NEMP2: variants seen among roughly 807,000 people sequenced by gnomAD.
The protein encoded by NEMP2 is UPF0571 transmembrane protein.
In NEMP2, 53 loss-of-function variants were observed where a neutral mutation model predicts 54.2. The observed-to-expected ratio is 0.98, with a 90% CI of 0.78 to 1.23. The LOEUF (loss-of-function observed/expected upper bound fraction) is 1.23, where lower values mean the gene tolerates loss of function less well. Ranked by LOEUF, NEMP2 falls within the 50% of genes most tolerant of loss-of-function variation. NEMP2 has a pLI of 0.00. For missense variants in NEMP2, 455 were observed against 511.3 expected (o/e 0.89, Z 1.06); for synonymous variants, 197 against 190.3 (o/e 1.04, Z -0.29).
At chr2:190,469,824 C>T in the NEMP2 span, 2 of 1,608,862 alleles carry the variant, frequency 1.2e-6, no homozygotes, top group Admixed American at 1.7e-5. The surrounding 1 kb of genome is among the most constrained non-coding windows in gnomAD (Gnocchi z 5.3). Flanking sequence ...TGGAGAATGC[C>T]TGGACTGTTC....
the NEMP2 span, among the ~76,000 whole-genome samples, chr2:190,486,205 GA>G: frequency 6.6e-6 from 1 of 152,164 alleles, no homozygotes; most frequent in Non-Finnish European, 1.5e-5. Context: ...CCAATCCTAG[GA>G]ATCATGAGTT....
chr2:190,425,708 C>T, the NEMP2 span, among the ~76,000 whole-genome samples: 5 of 152,118 alleles, frequency 3.3e-5, no homozygotes, highest in African/African-American at 1.2e-4. The surrounding 1 kb of genome is among the most constrained non-coding windows in gnomAD (Gnocchi z 4.3). Flanking sequence ...CACACTTTGT[C>T]ATGTTGTATA....
chr2:190,648,275 C>CCCT, the NEMP2 span: 1 of 152,264 alleles, frequency 6.6e-6, no homozygotes, highest in African/African-American at 2.4e-5. Flanking sequence ...TTCCATTCCT[C>CCCT]CCTCCTCCTC....
chr2:190,642,032 T>C, the NEMP2 span, among the ~76,000 whole-genome samples: 435 of 152,350 alleles, frequency 2.9e-3, 2 homozygotes, highest in African/African-American at 0.01. This position sits in a 1 kb window ranked among gnomAD's most constrained non-coding sequence, Gnocchi z 4.1. Context: ...CTAATATACT[T>C]TTCTGCTCTT....
chr2:190,472,032 GACTGTTAGAAGGAAAACTAACAA>G, the NEMP2 span, among the ~76,000 whole-genome samples: 4 of 152,316 alleles, frequency 2.6e-5, no homozygotes, highest in African/African-American at 9.6e-5. Context: ...TGAGGCTCCT[GACTGTTAGAAGGAAAACTAACAA>G]ACAGAAAGGA....
the NEMP2 span, among the ~76,000 whole-genome samples, chr2:190,441,098 T>C: frequency 0.7 from 106,964 of 151,996 alleles, 38,550 homozygotes; most frequent in Admixed American, 0.79. Flanking sequence ...TGCCTACTTT[T>C]TTTTCTCCTT....
At chr2:190,474,711 T>C in the NEMP2 span, among the ~76,000 whole-genome samples, 5 of 152,192 alleles carry the variant, frequency 3.3e-5, no homozygotes, top group Admixed American at 6.5e-5. Flanking sequence ...CCCTAACTCA[T>C]TTTATGAGGC....
chr2:190,565,960 T>TTATGG, the NEMP2 span, among the ~76,000 whole-genome samples: 1 of 152,184 alleles, frequency 6.6e-6, no homozygotes, highest in Non-Finnish European at 1.5e-5. Context: ...TGGCATTTTG[T>TTATGG]TATGGCAGCC....
chr2:190,629,353 C>T, the NEMP2 span, among the ~76,000 whole-genome samples: 1 of 152,166 alleles, frequency 6.6e-6, no homozygotes, highest in Non-Finnish European at 1.5e-5. Flanking sequence ...TAAACTTGTA[C>T]TAACTTGTTA....
At chr2:190,630,482 C>T in the NEMP2 span, among the ~76,000 whole-genome samples, 1 of 152,186 alleles carries the variant, frequency 6.6e-6, no homozygotes, top group African/African-American at 2.4e-5. The surrounding 1 kb of genome is among the most constrained non-coding windows in gnomAD (Gnocchi z 5.5). Flanking sequence ...TCCCAAAGTG[C>T]TGGGATTACA....
At chr2:190,463,825 T>C in the NEMP2 span, 1 of 918,752 alleles carries the variant, frequency 1.1e-6, no homozygotes, top group Non-Finnish European at 1.3e-6. This position sits in a 1 kb window ranked among gnomAD's most constrained non-coding sequence, Gnocchi z 4.4. Context: ...GTCTCAAAAA[T>C]AAATAAATAA....
chr2:190,592,804 T>G, the NEMP2 span, among the ~76,000 whole-genome samples: 1 of 152,334 alleles, frequency 6.6e-6, no homozygotes, highest in South Asian at 2.1e-4. This position sits in a 1 kb window ranked among gnomAD's most constrained non-coding sequence, Gnocchi z 4.4. Flanking sequence ...AGCATAAATG[T>G]GCTTGATTGA....
chr2:190,516,252 G>A lies in NEMP2; in HGVS notation c.727+18C>T, dbSNP rs1355792299. 4 of 1,513,942 alleles carry A rather than the reference G, an allele frequency of 2.6e-6. No homozygotes were observed. Among genetic ancestry groups the A allele is most frequent in the East Asian group, 4.9e-5 (2 of 40,704 alleles). The allele number at this position is 1,513,942 out of a possible 1,614,324, so 93.8% of individuals were successfully genotyped here. ...AGTTTTACCAATCACAGAGCATATT[G>A]TTTTTCTATTTACCTACCTAATACA... is the stretch of plus-strand genomic sequence containing the variant. On this transcript the variant is annotated intron_variant, in intron 6 of 8. Transcript: ENST00000409150.
the NEMP2 span, among the ~76,000 whole-genome samples, chr2:190,473,919 A>T: frequency 6.6e-6 from 1 of 152,216 alleles, no homozygotes; most frequent in Non-Finnish European, 1.5e-5. Flanking sequence ...ACTCACTCAA[A>T]ACTGCTCAAG....
At chr2:190,487,964 G>A in the NEMP2 span, among the ~76,000 whole-genome samples, 9 of 152,038 alleles carry the variant, frequency 5.9e-5, no homozygotes, top group East Asian at 1.9e-4. The surrounding 1 kb of genome is among the most constrained non-coding windows in gnomAD (Gnocchi z 5.5). Flanking sequence ...GTGCAGTGGC[G>A]TGATCTTGGC....
At chr2:190,545,838 A>C in the NEMP2 span, among the ~76,000 whole-genome samples, 1 of 151,702 alleles carries the variant, frequency 6.6e-6, no homozygotes, top group East Asian at 1.9e-4. Context: ...CTCTGTTTTC[A>C]TTATTGCTGT....
chr2:190,550,495 A>G, the NEMP2 span, among the ~76,000 whole-genome samples: 1 of 152,222 alleles, frequency 6.6e-6, no homozygotes, highest in South Asian at 2.1e-4. The surrounding 1 kb of genome is among the most constrained non-coding windows in gnomAD (Gnocchi z 4.7). Flanking sequence ...TTCAAACCAT[A>G]GCGATGAAAT....
chr2:190,500,470 T>C, downstream of NEMP2: 1 of 505,216 alleles, frequency 2.0e-6, no homozygotes, highest in East Asian at 3.4e-5. The surrounding 1 kb of genome is among the most constrained non-coding windows in gnomAD (Gnocchi z 5.3). Flanking sequence ...TTCAGTTCTT[T>C]GCTTGGTTAG....
At chr2:190,453,604 C>T in the NEMP2 span, among the ~76,000 whole-genome samples, 2 of 152,176 alleles carry the variant, frequency 1.3e-5, no homozygotes, top group African/African-American at 2.4e-5. Context: ...GTGCTTCTAA[C>T]GTGGGCATAA....
Sources: gnomAD v4.1 joint callset for allele counts (sites outside exome capture counted in the v4.1 genomes callset) on GRCh38, gnomAD v4.1.1 for gene constraint, Gnocchi (gnomAD v3.1) non-coding constraint, MANE v1.5 for transcripts, NCBI Gene and HGNC (gene_info 2026-07-23, HGNC 2026-07-21) for gene names.